Variants in TP73 observed in about 807,000 individuals in gnomAD.
TP73 encodes p53-like transcription factor.
Under a neutral mutation model 62.5 loss-of-function variants are expected in TP73, and 25 were observed. That is an observed-to-expected ratio of 0.40 (90% confidence interval 0.29 to 0.56). TP73 has a LOEUF of 0.56. Ranked by LOEUF, TP73 falls within the 20% of genes least tolerant of loss-of-function variation. TP73 has a pLI of 0.46. For synonymous variants in TP73, 423 were observed against 377.5 expected (o/e 1.12, Z -1.40); for missense variants, 754 against 913.3 (o/e 0.83, Z 2.25).
At chr1:3,690,986 T>C in intron 3 of TP73, 1 of 1,559,836 alleles carries the variant, frequency 6.4e-7, no homozygotes, top group Non-Finnish European at 8.7e-7. Context: ...TCGGGGACTT[T>C]GCGGGGGATT....
rs1055801650 is a variant in TP73 at position 3,701,273 on chromosome 1, G to A, written c.187-6276G>A. ...CCAGGGCTTAGCGACTGTCCTCTGCGTAGTGAATCTGGATTCCCGTCCCTG... is the reference window on the plus strand; with the variant it reads ...CCAGGGCTTAGCGACTGTCCTCTGCATAGTGAATCTGGATTCCCGTCCCTG... On this transcript the variant is annotated intron_variant, in intron 3 of 13. Transcript: ENST00000378295. The surrounding 1 kb of genome is among the most constrained non-coding windows in gnomAD (Gnocchi z 4.7). 4.6e-5 allele frequency among the ~76,000 whole-genome samples: 7 copies of A among 152,054 alleles called. No homozygotes were observed. The highest frequency in any genetic ancestry group is 2.1e-4 in the South Asian group (1 of 4,808).
At chr1:3,693,326 G>T (rs954399297) in intron 3 of TP73, among the ~76,000 whole-genome samples, 2 of 152,210 alleles carry the variant, frequency 1.3e-5, no homozygotes, top group Non-Finnish European at 2.9e-5. Flanking sequence ...TGGTGGCTTT[G>T]TGAGGCCCTG....
chr1:3,712,790 G>A (rs1640259393), intron 4 of TP73, among the ~76,000 whole-genome samples: 1 of 152,164 alleles, frequency 6.6e-6, no homozygotes, highest in Admixed American at 6.5e-5. Flanking sequence ...GAGGCTCCCA[G>A]AGGGCACACC....
At position 3,675,843 on chromosome 1, in the gene TP73, T is replaced by C. The variant is rs868713683; in HGVS notation, c.-33-6490T>C. Among the ~76,000 whole-genome samples, 4 of 152,082 alleles carry C rather than the reference T, an allele frequency of 2.6e-5. No individual in the cohort carries two copies. In the South Asian group the frequency reaches 8.3e-4, roughly 31 times the overall value. ...GTTGGGGAACTGACGAGGCCTTACC[T>C]GTGGGCCCATGGCCAAGGAAATGTC... On this transcript the variant is annotated intron_variant, in intron 1 of 13. Coordinates refer to ENST00000378295, the MANE Select transcript of TP73 (RefSeq NM_005427.4).
Position 3,733,866 on chromosome 1 carries a change from T to C in TP73, c.*787T>C, listed in dbSNP as rs1010943817. 4.6e-5 allele frequency: 7 copies of C among 151,290 alleles called. No individual in the cohort carries two copies. The highest frequency in any genetic ancestry group is 1.0e-4 in the Non-Finnish European group (7 of 67,950). 9.4% of individuals were successfully genotyped at this position (151,290 alleles called of 1,614,324 possible). A position where few individuals can be genotyped will look rare whatever the true frequency, so the allele number is the denominator to read the frequency against. On this transcript the variant is annotated 3_prime_UTR_variant, in exon 14 of 14. Transcript: ENST00000378295. ...AAGGGACAGCCTGTCCTTAGAGGAC[T>C]GGAAATTGTCAATATTTGATAAAAT...
intron 1 of TP73, among the ~76,000 whole-genome samples, chr1:3,680,250 G>A (rs143866827): frequency 6.6e-5 from 10 of 152,274 alleles, no homozygotes; most frequent in East Asian, 3.9e-4. Flanking sequence ...TTTCATGGCC[G>A]CGTAATGTTC....
chr1:3,669,505 G>A (rs1190107802), intron 1 of TP73, among the ~76,000 whole-genome samples: 2 of 152,254 alleles, frequency 1.3e-5, no homozygotes, highest in African/African-American at 4.8e-5. Flanking sequence ...TTCCTGCCAA[G>A]GAGGCGCAGA....
In TP73 at chr1:3,666,099, G is replaced by T. The variant is rs780224473; in HGVS notation, c.-34+13458G>T. ...AGATCGCACCATTGTACTCCAGCCTGGGCAACAAGAGCAAAACTCTGTCTC... is the reference window on the plus strand; with the variant it reads ...AGATCGCACCATTGTACTCCAGCCTTGGCAACAAGAGCAAAACTCTGTCTC... On this transcript the variant is annotated intron_variant, in intron 1 of 13. Transcript: ENST00000378295. This position sits in a 1 kb window ranked among gnomAD's most constrained non-coding sequence, Gnocchi z 6.4. Among the ~76,000 whole-genome samples, 13 of 142,944 alleles carry T rather than the reference G, an allele frequency of 9.1e-5. No individual in the cohort carries two copies. Among genetic ancestry groups the T allele is most frequent in the Non-Finnish European group, 2.0e-4 (13 of 66,636 alleles). The allele number at this position is 142,944 out of a possible 152,430, so 93.8% of individuals were successfully genotyped here.
chr1:3,653,109 C>T lies in TP73; in HGVS notation c.-34+468C>T, dbSNP rs528934982. Reference sequence around the variant, plus strand: ...TGTGCCAATCCCGAGGCCTCAGCTTCCCTGAGGAGCCAGGGCCAGGCCCCC... The same window carrying T: ...TGTGCCAATCCCGAGGCCTCAGCTTTCCTGAGGAGCCAGGGCCAGGCCCCC... On this transcript the variant is annotated intron_variant, in intron 1 of 13. Transcript: ENST00000378295. Among the ~76,000 whole-genome samples the T allele has an allele frequency of 2.0e-5, 3 of 152,352 alleles. No homozygotes were observed. In the East Asian group the frequency reaches 5.8e-4, roughly 29 times the overall value.
chr1:3,727,617 C>G lies in TP73; in HGVS notation c.843-11C>G. On this transcript the variant is annotated splice_polypyrimidine_tract_variant and intron_variant, in intron 7 of 13. Coordinates refer to ENST00000378295, the MANE Select transcript of TP73 (RefSeq NM_005427.4). ...GTTGAGCTCACAATTCTGGCTGTGC[C>G]CACCCGACAGTGGGCAGGTGCTGGG... The G allele has an allele frequency of 6.3e-7, 1 of 1,593,114 alleles. No individual in the cohort carries two copies. The highest frequency in any genetic ancestry group is 1.1e-5 in the South Asian group (1 of 87,814).
Position 3,730,791 on chromosome 1 carries a change from AG to A in TP73, c.1346-132del. ...GCCCTTGCTCAAGCCTCTAGCTGGC[AG>A]GGGTGATGCCCAGCGTCACATCGCC... On this transcript the variant is annotated intron_variant, in intron 11 of 13. Coordinates refer to ENST00000378295, the MANE Select transcript of TP73 (RefSeq NM_005427.4). 2.5e-6 allele frequency: 3 copies of A among 1,193,226 alleles called. No individual in the cohort carries two copies. In the South Asian group the frequency reaches 4.6e-5, roughly 18 times the overall value. 73.9% of individuals were successfully genotyped at this position (1,193,226 alleles called of 1,614,324 possible).
chr1:3,671,953 A>G (rs1645251019), intron 1 of TP73, among the ~76,000 whole-genome samples: 1 of 152,102 alleles, frequency 6.6e-6, no homozygotes. Context: ...CAGGAAGGGA[A>G]CACGCCAGGA....
At chr1:3,720,075 A>G (rs1640948277) in intron 4 of TP73, among the ~76,000 whole-genome samples, 1 of 152,054 alleles carries the variant, frequency 6.6e-6, no homozygotes, top group Non-Finnish European at 1.5e-5. Context: ...GGCGCCCGCC[A>G]CCTTGCCTGG....
intron 1 of TP73, among the ~76,000 whole-genome samples, chr1:3,667,684 AG>A: frequency 6.6e-6 from 1 of 151,556 alleles, no homozygotes; most frequent in Non-Finnish European, 1.5e-5. Context: ...TGGGAGGCAA[AG>A]GTTGCAGTGA....
intron 4 of TP73, among the ~76,000 whole-genome samples, chr1:3,713,287 G>A (rs1316022223): frequency 6.6e-6 from 1 of 152,168 alleles, no homozygotes; most frequent in Non-Finnish European, 1.5e-5. Context: ...CAGGCAGCTG[G>A]GCTTGGGGAC....
At chr1:3,730,240 A>G in intron 11 of TP73, 92 bp downstream of exon 11, 1 of 1,344,916 alleles carries the variant, frequency 7.4e-7, no homozygotes, top group South Asian at 1.9e-5. Context: ...CTCGGGACCC[A>G]GGGCAGGTGT....
At chr1:3,678,695 G>C (rs1570417321) in intron 1 of TP73, among the ~76,000 whole-genome samples, 1 of 152,230 alleles carries the variant, frequency 6.6e-6, no homozygotes, top group South Asian at 2.1e-4. Context: ...CAGTGGCAAG[G>C]CTGGCCCTCA....
intron 4 of TP73, among the ~76,000 whole-genome samples, chr1:3,713,248 G>C (rs957291598): frequency 1.3e-5 from 2 of 152,220 alleles, no homozygotes; most frequent in African/African-American, 2.4e-5. Context: ...GGAGTGCTCC[G>C]AGGCTGGCGA....
Position 3,735,892 on chromosome 1 carries a change from T to A in TP73, c.*2813T>A, listed in dbSNP as rs979720179. The A allele has an allele frequency of 1.3e-5, 2 of 152,196 alleles. No homozygotes were observed. Among genetic ancestry groups the A allele is most frequent in the African/African-American group, 4.8e-5 (2 of 41,456 alleles). The allele number at this position is 152,196 out of a possible 1,614,324, so 9.4% of individuals were successfully genotyped here. Reference sequence around the variant, plus strand: ...CTGGGCTGCTGGGAAGCCCTTGCTGTACCCAGGAGCCCGACCCGCAGTATC... The same window carrying A: ...CTGGGCTGCTGGGAAGCCCTTGCTGAACCCAGGAGCCCGACCCGCAGTATC... On this transcript the variant is annotated 3_prime_UTR_variant, in exon 14 of 14. Transcript: ENST00000378295.
Sources: gnomAD v4.1 joint callset for allele counts (sites outside exome capture counted in the v4.1 genomes callset) on GRCh38, gnomAD v4.1.1 for gene constraint, Gnocchi (gnomAD v3.1) non-coding constraint, MANE v1.5 for transcripts, NCBI Gene and HGNC (gene_info 2026-07-23, HGNC 2026-07-21) for gene names.